Variants in STOML3 observed in about 807,000 individuals in gnomAD.
STOML3 encodes the protein stomatin-like protein 3.
Under a neutral mutation model 29.5 loss-of-function variants are expected in STOML3, and 31 were observed. The ratio of observed to expected loss-of-function variants is 1.05; its 90% CI spans 0.79 to 1.42. The LOEUF is 1.42. Ranked by LOEUF, STOML3 falls within the 40% of genes most tolerant of loss-of-function variation. The probability of loss-of-function intolerance (pLI) is 0.00; values close to 1 mark genes in which losing one functional copy is unlikely to be tolerated. For missense variants in STOML3, 380 were observed against 363.0 expected (o/e 1.05, Z -0.38); for synonymous variants, 122 against 139.8 (o/e 0.87, Z 0.90).
At position 38,966,763 on chromosome 13, in the gene STOML3, C is replaced by A; in HGVS notation, c.*62G>T. Reference sequence around the variant, plus strand: ...TTGGAATTCTCACCGTTTCTAACTACTGGCTTCTCCATAGGAATAGACACC... The same window carrying A: ...TTGGAATTCTCACCGTTTCTAACTAATGGCTTCTCCATAGGAATAGACACC... On this transcript the variant is annotated 3_prime_UTR_variant, in exon 7 of 7. Transcript: ENST00000379631. 7.3e-7 allele frequency: 1 copy of A among 1,371,850 alleles called. No homozygotes were observed. The highest frequency in any genetic ancestry group is 1.0e-6 in the Non-Finnish European group (1 of 971,612). The allele number at this position is 1,371,850 out of a possible 1,614,324, so 85.0% of individuals were successfully genotyped here.
At chr13:38,970,794 G>T (rs1269611365) in intron 4 of STOML3, among the ~76,000 whole-genome samples, 1 of 152,092 alleles carries the variant, frequency 6.6e-6, no homozygotes, top group Non-Finnish European at 1.5e-5. Flanking sequence ...TATCAGACTT[G>T]AAGCAGTGAT....
Position 38,966,864 on chromosome 13 carries a change from G to A in STOML3, c.837C>T (p.Val279=). The A allele has an allele frequency of 1.9e-6, 3 of 1,613,724 alleles. No individual in the cohort carries two copies. Among genetic ancestry groups the A allele is most frequent in the Non-Finnish European group, 2.5e-6 (3 of 1,180,004 alleles). The change falls in exon 7 of 7, where the codon GTC becomes GTT. Residue 279 remains valine, a synonymous_variant. Coordinates refer to ENST00000379631, the MANE Select transcript of STOML3 (RefSeq NM_145286.3). Reference sequence around the variant, plus strand: ...GAAGCTTCTTGTGGTTATCATAGCTGACGCCACCAATGCCCTCTAGTATAT... The same window carrying A: ...GAAGCTTCTTGTGGTTATCATAGCTAACGCCACCAATGCCCTCTAGTATAT... ...PMNILEGIGG[V]SYDNHKKLPN... is the part of the protein sequence containing the mutation.
At chr13:38,971,457 T>A (rs1353546998) in intron 4 of STOML3, among the ~76,000 whole-genome samples, 1 of 152,212 alleles carries the variant, frequency 6.6e-6, no homozygotes, top group Non-Finnish European at 1.5e-5. Context: ...AAATGTTGAT[T>A]TTCGTCTTCT....
intron 1 of STOML3, among the ~76,000 whole-genome samples, chr13:38,983,930 A>G (rs148295882): frequency 0.024 from 3,714 of 152,298 alleles, 72 homozygotes; most frequent in Non-Finnish European, 0.034. Flanking sequence ...TGCATTGAAT[A>G]CCTTAAACCC....
chr13:38,969,973 G>A (rs1247705955), intron 5 of STOML3, among the ~76,000 whole-genome samples: 2 of 152,176 alleles, frequency 1.3e-5, no homozygotes, highest in African/African-American at 4.8e-5. Context: ...TTCAGCAACT[G>A]CTTTCTTGCA....
At chr13:38,974,034 C>T (rs1353762778) in intron 3 of STOML3, among the ~76,000 whole-genome samples, 1 of 152,102 alleles carries the variant, frequency 6.6e-6, no homozygotes, top group Non-Finnish European at 1.5e-5. Flanking sequence ...CATTCTCCTG[C>T]TGTAAACACA....
At chr13:38,975,992 T>C (rs1881061711) in intron 3 of STOML3, among the ~76,000 whole-genome samples, 1 of 152,116 alleles carries the variant, frequency 6.6e-6, no homozygotes, top group South Asian at 2.1e-4. Flanking sequence ...TCATCAAACT[T>C]ATGTTGGCCT....
At chr13:38,972,326 A>G (rs1012263543) in intron 4 of STOML3, among the ~76,000 whole-genome samples, 186 bp downstream of exon 4, 6 of 152,094 alleles carry the variant, frequency 3.9e-5, no homozygotes, top group African/African-American at 1.4e-4. Flanking sequence ...CTTCATTCTC[A>G]TTTGGCAAAA....
At chr13:38,980,252 T>A in intron 1 of STOML3, 1 of 954,586 alleles carries the variant, frequency 1.0e-6, no homozygotes, top group Non-Finnish European at 1.6e-6. Context: ...TCTCATTAGC[T>A]GCCAGTTAAA....
rs1200292113 is a variant in STOML3 at position 38,988,976 on chromosome 13, AC to A, written c.52+1693del. Among the ~76,000 whole-genome samples the A allele has an allele frequency of 6.2e-5, 9 of 145,828 alleles. No individual in the cohort carries two copies. The Admixed American group carries it at 6.4e-4, about 10-fold the overall frequency. The stretch of plus-strand genomic sequence containing the variant: ...CTATATTACACAATATATTATATAT[AC>A]TATATTACATAATATATATCATACA... On this transcript the variant is annotated intron_variant, in intron 1 of 6. Coordinates refer to ENST00000379631, the MANE Select transcript of STOML3 (RefSeq NM_145286.3).
At chr13:38,982,366 T>A (rs1272993068) in intron 1 of STOML3, among the ~76,000 whole-genome samples, 1 of 152,158 alleles carries the variant, frequency 6.6e-6, no homozygotes, top group Admixed American at 6.5e-5. Flanking sequence ...TATACTAGCT[T>A]ATATAAACTC....
chr13:38,967,454 T>C (rs186704246), intron 6 of STOML3, among the ~76,000 whole-genome samples: 1 of 152,322 alleles, frequency 6.6e-6, no homozygotes, highest in Admixed American at 6.5e-5. Flanking sequence ...TCTTAGATGT[T>C]TTTAAGTTCA....
At chr13:38,990,555 G>C (rs552930569) in intron 1 of STOML3, 115 bp downstream of exon 1, 1 of 988,456 alleles carries the variant, frequency 1.0e-6, no homozygotes, top group East Asian at 2.6e-5. Flanking sequence ...AAATGAAATT[G>C]AGGCCGATTT....
At chr13:38,974,831 G>A (rs539068283) in intron 3 of STOML3, among the ~76,000 whole-genome samples, 1 of 152,164 alleles carries the variant, frequency 6.6e-6, no homozygotes, top group Non-Finnish European at 1.5e-5. Flanking sequence ...TCCAAGTTCT[G>A]TCTGTTCTGC....
At chr13:38,981,079 G>A (rs916449117) in intron 1 of STOML3, among the ~76,000 whole-genome samples, 5 of 152,172 alleles carry the variant, frequency 3.3e-5, no homozygotes, top group Non-Finnish European at 7.4e-5. Context: ...CAAGAAGAGA[G>A]GCACCCATGA....
At chr13:38,985,801 C>T (rs1868489546) in intron 1 of STOML3, among the ~76,000 whole-genome samples, 2 of 146,148 alleles carry the variant, frequency 1.4e-5, no homozygotes, top group Non-Finnish European at 1.5e-5. Flanking sequence ...ATTATAGGGA[C>T]AGTAGAATCA....
Position 38,966,621 on chromosome 13 carries a change from A to C in STOML3, c.*204T>G. 2.4e-6 allele frequency: 1 copy of C among 419,976 alleles called. No individual in the cohort carries two copies. Among genetic ancestry groups the C allele is most frequent in the Non-Finnish European group, 4.2e-6 (1 of 236,210 alleles). 26.0% of individuals were successfully genotyped at this position (419,976 alleles called of 1,614,324 possible). A position where few individuals can be genotyped will look rare whatever the true frequency, so the allele number is the denominator to read the frequency against. The stretch of plus-strand genomic sequence containing the variant: ...TATTACAAAGTTGATTATGGTCCTA[A>C]AAATAAAAGTAATATACAGGTCTCA... On this transcript the variant is annotated 3_prime_UTR_variant, in exon 7 of 7. Coordinates refer to ENST00000379631, the MANE Select transcript of STOML3 (RefSeq NM_145286.3).
intron 1 of STOML3, among the ~76,000 whole-genome samples, chr13:38,979,127 A>AT (rs904979423): frequency 6.6e-6 from 1 of 152,192 alleles, no homozygotes; most frequent in African/African-American, 2.4e-5. Flanking sequence ...TATGCTCCAA[A>AT]TACATACATA....
intron 1 of STOML3, among the ~76,000 whole-genome samples, chr13:38,978,066 C>A (rs1045294857): frequency 6.6e-6 from 1 of 151,562 alleles, no homozygotes; most frequent in African/African-American, 2.4e-5. Context: ...GGCCAGGGAT[C>A]CTTGTTTGTA....
Sources: gnomAD v4.1 joint callset for allele counts (sites outside exome capture counted in the v4.1 genomes callset) on GRCh38, gnomAD v4.1.1 for gene constraint, MANE v1.5 for transcripts, NCBI Gene and HGNC (gene_info 2026-07-23, HGNC 2026-07-21) for gene names.